The following TMEM244 variants were observed in gnomAD, a reference collection of about 807,000 sequenced individuals.
TMEM244 encodes the protein putative transmembrane protein 244.
TMEM244 carries 13 observed loss-of-function variants against 15.8 expected under a neutral mutation model. The observed-to-expected ratio is 0.82, with a 90% confidence interval of 0.53 to 1.30. The LOEUF is 1.30. TMEM244 is among the 50% of genes most tolerant of loss of function. The pLI is 0.00. For synonymous variants in TMEM244, 45 were observed against 48.7 expected (o/e 0.92, Z 0.32); for missense variants, 161 against 144.9 (o/e 1.11, Z -0.57).
intron 2 of TMEM244, 117 bp from the exon 3 acceptor site, chr6:129,843,720 T>C: frequency 1.6e-6 from 1 of 612,592 alleles, no homozygotes; most frequent in Admixed American, 2.8e-5. Flanking sequence ...TCACCCACAT[T>C]GTGGCACATT....
chr6:129,857,817 C>CAT (rs200895353), intron 1 of TMEM244, among the ~76,000 whole-genome samples: 5 of 149,650 alleles, frequency 3.3e-5, no homozygotes, highest in African/African-American at 4.9e-5. Context: ...TATATACACA[C>CAT]ATATATATAT....
At chr6:129,831,847 A>G (rs1351096361) in intron 4 of TMEM244, among the ~76,000 whole-genome samples, 2 of 152,192 alleles carry the variant, frequency 1.3e-5, no homozygotes, top group African/African-American at 4.8e-5. Flanking sequence ...CTATACTCCA[A>G]GCCCTTTTGC....
At chr6:129,842,828 C>T (rs1047657084) in intron 3 of TMEM244, among the ~76,000 whole-genome samples, 12 of 150,722 alleles carry the variant, frequency 8.0e-5, no homozygotes, top group African/African-American at 2.9e-4. Context: ...TGAAGCTCCC[C>T]CAAACAAGAA....
chr6:129,839,190 T>A (rs1776451326), intron 3 of TMEM244, among the ~76,000 whole-genome samples: 1 of 151,988 alleles, frequency 6.6e-6, no homozygotes, highest in South Asian at 2.1e-4. Flanking sequence ...TAAAATACTG[T>A]CAAACCGAAT....
intron 1 of TMEM244, among the ~76,000 whole-genome samples, chr6:129,847,761 CTTTTTTCTTTTTTCT>C (rs1434229609): frequency 6.9e-6 from 1 of 144,162 alleles, no homozygotes; most frequent in Non-Finnish European, 1.5e-5. Context: ...TTCCTTGTTT[CTTTTTTCTTTTTTCT>C]TTTTTTTTTT....
chr6:129,847,411 T>G (rs2114641274), intron 1 of TMEM244, among the ~76,000 whole-genome samples: 1 of 152,292 alleles, frequency 6.6e-6, no homozygotes, highest in South Asian at 2.1e-4. Flanking sequence ...ATATTTTCAC[T>G]TGCCTAGGTA....
intron 3 of TMEM244, among the ~76,000 whole-genome samples, chr6:129,840,856 A>G (rs896489427): frequency 1.2e-4 from 18 of 152,202 alleles, no homozygotes; most frequent in Admixed American, 2.6e-4. Context: ...GAGAAATGCA[A>G]ATCAAAACCA....
chr6:129,861,092 T>C (rs1776801961), intron 1 of TMEM244, 64 bp downstream of exon 1: 1 of 1,574,484 alleles, frequency 6.4e-7, no homozygotes, highest in Non-Finnish European at 8.7e-7. Flanking sequence ...TTATAGAACA[T>C]ATTCATTTAC....
At chr6:129,838,322 C>T (rs1776437440) in intron 3 of TMEM244, among the ~76,000 whole-genome samples, 2 of 152,172 alleles carry the variant, frequency 1.3e-5, no homozygotes, top group Non-Finnish European at 1.5e-5. Flanking sequence ...GAACAACCTG[C>T]TCCTGAATGA....
intron 1 of TMEM244, among the ~76,000 whole-genome samples, chr6:129,850,374 T>C (rs574220473): frequency 6.6e-6 from 1 of 152,140 alleles, no homozygotes; most frequent in East Asian, 1.9e-4. Flanking sequence ...GGCCATTAGG[T>C]CGGGAAAGTA....
At chr6:129,858,621 A>G (rs1452848687) in intron 1 of TMEM244, among the ~76,000 whole-genome samples, 2 of 152,198 alleles carry the variant, frequency 1.3e-5, no homozygotes, top group Admixed American at 6.6e-5. Flanking sequence ...TTTTGGAGGT[A>G]TACATTTCTT....
At chr6:129,849,183 A>T (rs1776603011) in intron 1 of TMEM244, among the ~76,000 whole-genome samples, 1 of 152,072 alleles carries the variant, frequency 6.6e-6, no homozygotes. Context: ...AATTTATATA[A>T]CACTAAATAT....
chr6:129,840,215 C>T (rs551592070), intron 3 of TMEM244, among the ~76,000 whole-genome samples: 209 of 152,280 alleles, frequency 1.4e-3, no homozygotes, highest in African/African-American at 4.6e-3. Context: ...CAGCATGGTA[C>T]TGATACCAAA....
intron 1 of TMEM244, among the ~76,000 whole-genome samples, chr6:129,848,640 G>A (rs762076079): frequency 7.9e-5 from 12 of 152,140 alleles, no homozygotes; most frequent in South Asian, 2.1e-4. Flanking sequence ...AACATTGTGC[G>A]CATACATCAA....
intron 1 of TMEM244, among the ~76,000 whole-genome samples, chr6:129,852,893 C>T (rs753668529): frequency 1.3e-5 from 2 of 152,152 alleles, no homozygotes; most frequent in Non-Finnish European, 2.9e-5. Context: ...CACCATCTCC[C>T]TCTTTTCTCC....
intron 1 of TMEM244, among the ~76,000 whole-genome samples, chr6:129,852,715 C>T (rs537030578): frequency 6.6e-6 from 1 of 152,258 alleles, no homozygotes; most frequent in Non-Finnish European, 1.5e-5. Flanking sequence ...AGCAGGTTAA[C>T]AGGGTTCTAC....
chr6:129,834,595 A>C (rs1169363751), intron 3 of TMEM244, among the ~76,000 whole-genome samples: 2 of 152,248 alleles, frequency 1.3e-5, no homozygotes, highest in Non-Finnish European at 2.9e-5. Context: ...CGAGACACCA[A>C]GGAAGCATGC....
intron 1 of TMEM244, among the ~76,000 whole-genome samples, chr6:129,846,061 G>T (rs1342312435): frequency 2.0e-5 from 3 of 152,230 alleles, no homozygotes; most frequent in East Asian, 3.9e-4. Context: ...GTGTCTTTGG[G>T]TTTGGTTTAT....
intron 2 of TMEM244, among the ~76,000 whole-genome samples, chr6:129,845,110 G>A (rs1776543795): frequency 1.3e-5 from 2 of 152,214 alleles, no homozygotes; most frequent in African/African-American, 4.8e-5. Flanking sequence ...ATCCCATTTT[G>A]TCCTCATAAT....
Sources: allele counts gnomAD v4.1 joint callset (sites outside exome capture counted in the v4.1 genomes callset), GRCh38; gene constraint gnomAD v4.1.1; transcripts MANE v1.5; gene names NCBI Gene and HGNC (gene_info 2026-07-23, HGNC 2026-07-21).